Variants in AXL observed in about 807,000 individuals in gnomAD.
The protein encoded by AXL is tyrosine-protein kinase receptor UFO.
AXL carries 52 observed loss-of-function variants against 104.5 expected under a neutral mutation model. The ratio of observed to expected loss-of-function variants is 0.50; its 90% CI spans 0.40 to 0.63. The LOEUF is 0.63. Among genes scored for constraint, AXL ranks in the 20% least tolerant of loss-of-function variants. The probability of loss-of-function intolerance (pLI) is 0.00; values close to 1 mark genes in which losing one functional copy is unlikely to be tolerated. For synonymous variants in AXL, 455 were observed against 473.7 expected (o/e 0.96, Z 0.51); for missense variants, 1,024 against 1,188.5 (o/e 0.86, Z 2.04).
At position 41,244,398 on chromosome 19, in the gene AXL, C is replaced by T. The variant is rs193288603; in HGVS notation, c.1537+691C>T. The stretch of plus-strand genomic sequence containing the variant: ...GGCAACCCTAGCACTACCTATGTGG[C>T]AGGCTCTGTTCTAAGCATTCTACAT... On this transcript the variant is annotated intron_variant, in intron 12 of 19. Transcript: ENST00000301178. 6.9e-4 allele frequency among the ~76,000 whole-genome samples: 105 copies of T among 152,220 alleles called. 3 individuals carry two copies. In the East Asian group the frequency reaches 0.02, roughly 29 times the overall value.
intron 12 of AXL, among the ~76,000 whole-genome samples, chr19:41,247,391 T>C (rs1402094152): frequency 1.3e-5 from 2 of 152,106 alleles, no homozygotes; most frequent in Non-Finnish European, 2.9e-5. Context: ...CACATGCCTG[T>C]ACTTGGGAGG....
chr19:41,221,762 C>CAAGT lies in AXL; in HGVS notation c.410-117_410-114dup, dbSNP rs1445345118. 8.0e-6 allele frequency: 9 copies of CAAGT among 1,123,508 alleles called. No individual in the cohort carries two copies. In the East Asian group the frequency reaches 2.1e-4, roughly 26 times the overall value. 69.6% of individuals were successfully genotyped at this position (1,123,508 alleles called of 1,614,324 possible). On this transcript the variant is annotated intron_variant, in intron 3 of 19. Coordinates refer to ENST00000301178, the MANE Select transcript of AXL (RefSeq NM_021913.5). ...AGGTGCCCTCGGGGATCAGATAAGG[C>CAAGT]AAGTCAATGACCCTGCAGGGTGGGT... is the stretch of plus-strand genomic sequence containing the variant.
In AXL at chr19:41,219,348, T is replaced by G. The variant is rs1310117834; in HGVS notation, c.-45T>G. On this transcript the variant is annotated 5_prime_UTR_variant, in exon 1 of 20. Transcript: ENST00000301178. ...CCGGGGACAGCCCGGCCCTGCCCCC[T>G]CCCCCGCTGGGAGCCCAACAACTTC... The G allele has an allele frequency of 6.5e-7, 1 of 1,541,604 alleles. No homozygotes were observed. Among genetic ancestry groups the G allele is most frequent in the African/African-American group, 1.4e-5 (1 of 72,792 alleles).
In AXL at chr19:41,238,478, G is replaced by C. The variant is rs765373582; in HGVS notation, c.1003G>C (p.Gly335Arg). ...TCTTCCCTGTCCTCCAGTGCCCCTG[G>C]GCCCCCCTGAGAACATTAGTGCTAC... ...PVETPEGVPL[G>R]PPENISATRN... Residue 335 changes from glycine (G) to arginine (R), a missense_variant, in exon 8 of 20, where the codon GGC becomes CGC. Transcript: ENST00000301178. The C allele has an allele frequency of 3.1e-6, 5 of 1,610,916 alleles. No homozygotes were observed. Among genetic ancestry groups the C allele is most frequent in the Non-Finnish European group, 4.2e-6 (5 of 1,177,540 alleles).
At chr19:41,248,130 C>T (rs2034300856) in intron 12 of AXL, among the ~76,000 whole-genome samples, 5 of 152,072 alleles carry the variant, frequency 3.3e-5, no homozygotes. Flanking sequence ...CGCCATGTTG[C>T]CCAGGCTGGT....
chr19:41,221,421 C>T (rs2033789080), intron 3 of AXL, 175 bp downstream of exon 3: 2 of 584,522 alleles, frequency 3.4e-6, no homozygotes, highest in Non-Finnish European at 5.9e-6. Context: ...AGCTGGGAGT[C>T]CATATAAGTT....
chr19:41,234,394 G>A (rs1599731249), intron 6 of AXL, among the ~76,000 whole-genome samples: 1 of 152,078 alleles, frequency 6.6e-6, no homozygotes, highest in African/African-American at 2.4e-5. Context: ...GCCGAGGCAG[G>A]TGGATCGCTT....
chr19:41,221,168 G>A lies in AXL; in HGVS notation c.331G>A (p.Asp111Asn), dbSNP rs949895144. 21 of 1,613,806 alleles carry A rather than the reference G, an allele frequency of 1.3e-5. No homozygotes were observed. The Middle Eastern group carries it at 9.9e-4, about 76-fold the overall frequency. The part of the protein sequence containing the change: ...QLRITSLQLS[D>N]TGQYQCLVFL... ...CAGAATCACCTCCCTGCAGCTTTCC[G>A]ACACGGGACAGTACCAGTGTTTGGT... The change falls in exon 3 of 20, where the codon GAC becomes AAC. Residue 111 changes from aspartate (D) to asparagine (N), a missense_variant. Physicochemically the swap from Asp to Asn is conservative, Grantham distance 23. Transcript: ENST00000301178.
In AXL at chr19:41,257,483, C is replaced by T. The variant is rs772579333; in HGVS notation, c.2197-10C>T. 2 of 1,614,140 alleles carry T rather than the reference C, an allele frequency of 1.2e-6. No homozygotes were observed. Among genetic ancestry groups the T allele is most frequent in the South Asian group, 2.2e-5 (2 of 91,082 alleles). ...AGGAGAGACTGTCTAATTCCCTCTG[C>T]CCCTCACAGTGGTCCTTCGGGGTGA... On this transcript the variant is annotated splice_polypyrimidine_tract_variant and intron_variant, in intron 18 of 19. Transcript: ENST00000301178.
chr19:41,222,722 C>T (rs867206845), intron 4 of AXL, among the ~76,000 whole-genome samples: 14 of 151,350 alleles, frequency 9.3e-5, no homozygotes, highest in Admixed American at 2.6e-4. Context: ...CTGGCTAACA[C>T]GGTGAAACCC....
chr19:41,228,046 A>C (rs2033913635), intron 4 of AXL, among the ~76,000 whole-genome samples: 1 of 152,168 alleles, frequency 6.6e-6, no homozygotes, highest in Non-Finnish European at 1.5e-5. Flanking sequence ...TTTTAGACCA[A>C]GTGTAACTGA....
intron 1 of AXL, 117 bp downstream of exon 1, chr19:41,219,594 G>A: frequency 1.7e-6 from 2 of 1,210,264 alleles, no homozygotes; most frequent in Non-Finnish European, 2.3e-6. Flanking sequence ...AGTTTCCTTG[G>A]GACCACAGAA....
chr19:41,245,508 A>G (rs1350278651), intron 12 of AXL, among the ~76,000 whole-genome samples: 4 of 152,000 alleles, frequency 2.6e-5, no homozygotes, highest in Non-Finnish European at 4.4e-5. Context: ...CAGACACTTG[A>G]GGTCAGGAGT....
rs374067962 is a variant in AXL, at chr19:41,238,503, C to T, written c.1028C>T (p.Thr343Met). 2.1e-5 allele frequency: 34 copies of T among 1,614,008 alleles called. 1 individual carries two copies. The highest frequency in any genetic ancestry group is 3.3e-4 in the Middle Eastern group (2 of 6,042). The change falls in exon 8 of 20, where the codon ACG becomes ATG. Residue 343 changes from threonine to methionine, a missense_variant. Transcript: ENST00000301178. ...PLGPPENISATRNGSQAFVHW... is the reference protein window; with the variant it reads ...PLGPPENISAMRNGSQAFVHW... ...GGCCCCCCTGAGAACATTAGTGCTACGCGGAATGGGAGCCAGGCCTTCGTG... is the reference window on the plus strand; with the variant it reads ...GGCCCCCCTGAGAACATTAGTGCTATGCGGAATGGGAGCCAGGCCTTCGTG...
intron 1 of AXL, 24 bp downstream of exon 1, chr19:41,219,501 G>A (rs1177699010): frequency 1.3e-6 from 2 of 1,589,614 alleles, no homozygotes; most frequent in Non-Finnish European, 1.7e-6. Context: ...GCTCCTTGGG[G>A]CAGGGATCCC....
At chr19:41,256,400 C>T in intron 17 of AXL, 52 bp from the exon 18 acceptor site, 1 of 1,587,578 alleles carries the variant, frequency 6.3e-7, no homozygotes, top group Non-Finnish European at 8.6e-7. Flanking sequence ...GGCAGGCTTC[C>T]TGGTGGAGGT....
intron 10 of AXL, among the ~76,000 whole-genome samples, chr19:41,241,067 C>T (rs1024000532): frequency 1.3e-5 from 2 of 152,184 alleles, no homozygotes; most frequent in African/African-American, 4.8e-5. Context: ...TGCATGCTCA[C>T]TGCACACTTC....
intron 6 of AXL, 86 bp downstream of exon 6, chr19:41,231,384 C>G: frequency 8.1e-7 from 1 of 1,238,582 alleles, no homozygotes; most frequent in Non-Finnish European, 1.1e-6. Context: ...GGGAACCCAC[C>G]ACTTCTCGGC....
chr19:41,256,303 C>A, intron 17 of AXL, 149 bp from the exon 18 acceptor site: 1 of 917,534 alleles, frequency 1.1e-6, no homozygotes. Flanking sequence ...CAGTTCCCTT[C>A]TGGACTGGGA....
Sources: gnomAD v4.1 joint callset for allele counts (sites outside exome capture counted in the v4.1 genomes callset) on GRCh38, gnomAD v4.1.1 for gene constraint, MANE v1.5 for transcripts, NCBI Gene and HGNC (gene_info 2026-07-23, HGNC 2026-07-21) for gene names.